The following TRIM59 variants were observed in gnomAD, a reference collection of about 807,000 sequenced individuals.
TRIM59 encodes tripartite motif-containing protein 59.
TRIM59 carries 14 observed loss-of-function variants against 32.2 expected under a neutral mutation model. The ratio of observed to expected loss-of-function variants is 0.43; its 90% CI spans 0.29 to 0.68. The LOEUF (loss-of-function observed/expected upper bound fraction) is 0.68, where lower values mean the gene tolerates loss of function less well. TRIM59 is among the 30% of genes least tolerant of loss of function. The pLI, the probability that TRIM59 is intolerant of heterozygous loss-of-function variation, is 0.15. For synonymous variants in TRIM59, 163 were observed against 155.1 expected (o/e 1.05, Z -0.38); for missense variants, 471 against 463.3 (o/e 1.02, Z -0.15).
chr3:160,449,139 G>A (rs190769715), intron 1 of TRIM59, among the ~76,000 whole-genome samples: 1 of 152,302 alleles, frequency 6.6e-6, no homozygotes, highest in African/African-American at 2.4e-5. Context: ...GCATCCATGG[G>A]AGTAAAATAC....
chr3:160,439,301 C>T (rs1007753705), intron 2 of TRIM59, 115 bp from the exon 3 acceptor site: 2 of 831,132 alleles, frequency 2.4e-6, no homozygotes, highest in African/African-American at 3.5e-5. Flanking sequence ...TAAAAGAGAA[C>T]AAGGTATTTT....
chr3:160,437,739 T>C lies in TRIM59; in HGVS notation c.*233A>G, dbSNP rs769909987. 1.8e-4 allele frequency: 209 copies of C among 1,164,198 alleles called. No individual in the cohort carries two copies. The highest frequency in any genetic ancestry group is 2.2e-4 in the Non-Finnish European group (206 of 946,502). The allele number at this position is 1,164,198 out of a possible 1,614,324, so 72.1% of individuals were successfully genotyped here. On this transcript the variant is annotated 3_prime_UTR_variant, in exon 3 of 3. Transcript: ENST00000309784. ...TCAACCATCATAAAGCCAATAAAAATGGGATAGTGTATTACTTTTCAAATT... is the reference window on the plus strand; with the variant it reads ...TCAACCATCATAAAGCCAATAAAAACGGGATAGTGTATTACTTTTCAAATT...
Position 160,448,791 on chromosome 3 carries a change from T to G in TRIM59, c.-69A>C. The G allele has an allele frequency of 8.0e-7, 1 of 1,257,384 alleles. No individual in the cohort carries two copies. The allele number at this position is 1,257,384 out of a possible 1,614,324, so 77.9% of individuals were successfully genotyped here. On this transcript the variant is annotated 5_prime_UTR_variant, in exon 2 of 3. Transcript: ENST00000309784. ...CCAACTCCTCCAGAATCTTTTATTC[T>G]TATTCTAAAATTAAAATAATGTTAT...
Position 160,437,027 on chromosome 3 carries a change from G to A in TRIM59, c.*945C>T. ...CAGAAAAAAAAACAATCTTAAATTT[G>A]CACAAACTATAGAATATGACAAGTA... On this transcript the variant is annotated 3_prime_UTR_variant, in exon 3 of 3. Coordinates refer to ENST00000309784, the MANE Select transcript of TRIM59 (RefSeq NM_173084.3). 1 of 985,020 alleles carries A rather than the reference G, an allele frequency of 1.0e-6. No homozygotes were observed. The highest frequency in any genetic ancestry group is 1.2e-6 in the Non-Finnish European group (1 of 829,840). The allele number at this position is 985,020 out of a possible 1,614,324, so 61.0% of individuals were successfully genotyped here. A position where few individuals can be genotyped will look rare whatever the true frequency, so the allele number is the denominator to read the frequency against.
chr3:160,447,307 T>C (rs1195784767), intron 2 of TRIM59, among the ~76,000 whole-genome samples: 4 of 152,322 alleles, frequency 2.6e-5, no homozygotes, highest in East Asian at 3.9e-4. Flanking sequence ...ACTAAGCTCA[T>C]GTAAAAACCA....
chr3:160,440,148 T>C lies in TRIM59; in HGVS notation c.-3-962A>G, dbSNP rs566068218. Reference sequence around the variant, plus strand: ...GAACGCTTAAACCCCAGGATCAGCATAGTATAATTCTCTAAAGCAATAATT... The same window carrying C: ...GAACGCTTAAACCCCAGGATCAGCACAGTATAATTCTCTAAAGCAATAATT... On this transcript the variant is annotated intron_variant, in intron 2 of 2. Transcript: ENST00000309784. 3.3e-5 allele frequency among the ~76,000 whole-genome samples: 5 copies of C among 152,340 alleles called. No homozygotes were observed. In the East Asian group the frequency reaches 7.7e-4, roughly 23 times the overall value.
At chr3:160,449,451 G>T in intron 1 of TRIM59, 1 of 1,165,148 alleles carries the variant, frequency 8.6e-7, no homozygotes, top group Non-Finnish European at 1.1e-6. Flanking sequence ...TGACCGACTC[G>T]GCGGCGTCCG....
In TRIM59 at chr3:160,438,367, G is replaced by A. The variant is rs1719083015; in HGVS notation, c.817C>T (p.Gln273Ter). 2 of 1,613,656 alleles carry A rather than the reference G, an allele frequency of 1.2e-6. No individual in the cohort carries two copies. Among genetic ancestry groups the A allele is most frequent in the Non-Finnish European group, 1.7e-6 (2 of 1,179,950 alleles). The change falls in exon 3 of 3, where the codon CAA becomes TAA. Residue 273 changes from glutamine to a stop codon, truncating the protein, a stop_gained. Transcript: ENST00000309784. LOFTEE classifies it high-confidence loss of function. Reference sequence around the variant, plus strand: ...ACTCGAGGATAAATTTCAACGGGTTGAACCTCAGGAAGTGGTCTTTGTTTC... The same window carrying A: ...ACTCGAGGATAAATTTCAACGGGTTAAACCTCAGGAAGTGGTCTTTGTTTC... ...ILKQRPLPEV[Q>*]PVEIYPRVSK...
In TRIM59 at chr3:160,438,982, T is replaced by C. The variant is rs778756123; in HGVS notation, c.202A>G (p.Thr68Ala). 1 of 1,614,054 alleles carries C rather than the reference T, an allele frequency of 6.2e-7. No individual in the cohort carries two copies. Among genetic ancestry groups the C allele is most frequent in the South Asian group, 1.1e-5 (1 of 91,060 alleles). ...TTAACAGGTAAAGATTCAATGCCAG[T>C]TGGAGCAATTTCAGTAATACTTCTG... ...NCRSITEIAP[T>A]GIESLPVNFA... The change falls in exon 3 of 3, where the codon ACT (threonine) becomes GCT (alanine). Residue 68 changes from threonine (T) to alanine (A), a missense_variant. Physicochemically the swap from Thr to Ala is moderately conservative, Grantham distance 58. Coordinates refer to ENST00000309784, the MANE Select transcript of TRIM59 (RefSeq NM_173084.3).
Position 160,438,444 on chromosome 3 carries a change from G to A in TRIM59, c.740C>T (p.Pro247Leu). 1 of 1,613,928 alleles carries A rather than the reference G, an allele frequency of 6.2e-7. No individual in the cohort carries two copies. Among genetic ancestry groups the A allele is most frequent in the Non-Finnish European group, 8.5e-7 (1 of 1,179,970 alleles). Residue 247 changes from proline to leucine, a missense_variant, in exon 3 of 3, where the codon CCA becomes CTA. Transcript: ENST00000309784. Reference sequence around the variant, plus strand: ...ATCAACTTTTTCAAGAAATTTAAGTGGAGACTCTTCTTGTAAAGATATTGT... The same window carrying A: ...ATCAACTTTTTCAAGAAATTTAAGTAGAGACTCTTCTTGTAAAGATATTGT... ...ALTISLQEESPLKFLEKVDDV... is the reference protein window; with the variant it reads ...ALTISLQEESLLKFLEKVDDV...
intron 2 of TRIM59, among the ~76,000 whole-genome samples, chr3:160,439,571 T>C (rs929245173): frequency 6.6e-6 from 1 of 152,190 alleles, no homozygotes; most frequent in African/African-American, 2.4e-5. Flanking sequence ...GGTAGATAAC[T>C]TTAGTCATGG....
In TRIM59 at chr3:160,437,645, C is replaced by G; in HGVS notation, c.*327G>C. On this transcript the variant is annotated 3_prime_UTR_variant, in exon 3 of 3. Transcript: ENST00000309784. Reference sequence around the variant, plus strand: ...TATAAAGAACTGTAAAGCCAATTAACTGCAGTATATAATAATGGTAAAAGA... The same window carrying G: ...TATAAAGAACTGTAAAGCCAATTAAGTGCAGTATATAATAATGGTAAAAGA... 1.0e-6 allele frequency: 1 copy of G among 1,003,220 alleles called. No homozygotes were observed. The highest frequency in any genetic ancestry group is 1.2e-6 in the Non-Finnish European group (1 of 841,244). 62.1% of individuals were successfully genotyped at this position (1,003,220 alleles called of 1,614,324 possible).
In TRIM59 at chr3:160,438,405, T is replaced by C. The variant is rs76926983; in HGVS notation, c.779A>G (p.His260Arg). 1.0e-3 allele frequency: 1,675 copies of C among 1,614,072 alleles called. 18 individuals are homozygous for C. The African/African-American group carries it at 0.02, about 19-fold the overall frequency. The stretch of plus-strand genomic sequence containing the variant: ...TGGTCTTTGTTTCAAGATCTGTACA[T>C]GCTGGCGTACATCATCAACTTTTTC... The part of the protein sequence containing the change: ...FLEKVDDVRQ[H>R]VQILKQRPLP... The change falls in exon 3 of 3, where the codon CAT becomes CGT. Residue 260 changes from histidine (H) to arginine (R), a missense_variant. Coordinates refer to ENST00000309784, the MANE Select transcript of TRIM59 (RefSeq NM_173084.3).
chr3:160,441,768 A>T (rs896006591), intron 2 of TRIM59, among the ~76,000 whole-genome samples: 1 of 151,242 alleles, frequency 6.6e-6, no homozygotes, highest in Non-Finnish European at 1.5e-5. Context: ...AAAAAAAAAA[A>T]AAAAGAAAAA....
In TRIM59 at chr3:160,435,977, C is replaced by T. The variant is rs1196869897; in HGVS notation, c.*1995G>A. On this transcript the variant is annotated 3_prime_UTR_variant, in exon 3 of 3. Transcript: ENST00000309784. The stretch of plus-strand genomic sequence containing the variant: ...ATAATGGCTAACATTTCATTGCTTA[C>T]GTGTTTTTGAAACTACAGGGCACTT... 29 of 1,269,996 alleles carry T rather than the reference C, an allele frequency of 2.3e-5. No homozygotes were observed. The highest frequency in any genetic ancestry group is 2.2e-5 in the Non-Finnish European group (22 of 980,388). The allele number at this position is 1,269,996 out of a possible 1,614,324, so 78.7% of individuals were successfully genotyped here.
chr3:160,435,951 C>T lies in TRIM59; in HGVS notation c.*2021G>A, dbSNP rs1560021827. 3.1e-6 allele frequency: 4 copies of T among 1,282,102 alleles called. No individual in the cohort carries two copies. The highest frequency in any genetic ancestry group is 2.5e-5 in the South Asian group (2 of 79,332). 79.4% of individuals were successfully genotyped at this position (1,282,102 alleles called of 1,614,324 possible). ...AGAAATGAGATTAAGTAGTTTAACACATAATGGCTAACATTTCATTGCTTA... is the reference window on the plus strand; with the variant it reads ...AGAAATGAGATTAAGTAGTTTAACATATAATGGCTAACATTTCATTGCTTA... On this transcript the variant is annotated 3_prime_UTR_variant, in exon 3 of 3. Coordinates refer to ENST00000309784, the MANE Select transcript of TRIM59 (RefSeq NM_173084.3).
chr3:160,441,581 G>A (rs910039503), intron 2 of TRIM59, among the ~76,000 whole-genome samples: 1 of 151,646 alleles, frequency 6.6e-6, no homozygotes, highest in South Asian at 2.1e-4. Context: ...GTGAAACCCC[G>A]TCTCTACTAA....
At chr3:160,446,555 G>A (rs1719537935) in intron 2 of TRIM59, among the ~76,000 whole-genome samples, 2 of 152,124 alleles carry the variant, frequency 1.3e-5, no homozygotes, top group South Asian at 2.1e-4. Flanking sequence ...TGTGAAAAAA[G>A]CATATAATAT....
intron 2 of TRIM59, among the ~76,000 whole-genome samples, chr3:160,446,653 TATC>T (rs905972749): frequency 6.6e-6 from 1 of 152,110 alleles, no homozygotes; most frequent in African/African-American, 2.4e-5. Flanking sequence ...GATGTAGAGT[TATC>T]ATTTAATGCA....
Sources: allele counts gnomAD v4.1 joint callset (sites outside exome capture counted in the v4.1 genomes callset), GRCh38; gene constraint gnomAD v4.1.1; transcripts MANE v1.5; gene names NCBI Gene and HGNC (gene_info 2026-07-23, HGNC 2026-07-21).